The following SV2C variants were observed in gnomAD, a reference collection of about 807,000 sequenced individuals.
The protein encoded by SV2C is solute carrier family 22 member B3.
A neutral mutation model predicts 79.7 loss-of-function variants in SV2C; 49 were observed. That is an observed-to-expected ratio of 0.61 (90% CI 0.49 to 0.78). The LOEUF (loss-of-function observed/expected upper bound fraction) is 0.78, where lower values mean the gene tolerates loss of function less well. Ranked by LOEUF, SV2C falls within the 30% of genes least tolerant of loss-of-function variation. The pLI is 0.00. For synonymous variants in SV2C, 334 were observed against 333.2 expected, an observed-to-expected ratio of 1.00 and a Z score of -0.03; for missense variants, 833 against 912.9, an observed-to-expected ratio of 0.91 and a Z score of 1.13.
intron 2 of SV2C, among the ~76,000 whole-genome samples, chr5:76,154,679 G>A (rs1742666616): frequency 6.6e-6 from 1 of 152,116 alleles, no homozygotes; most frequent in African/African-American, 2.4e-5. Context: ...CTGATCCACA[G>A]AAAAACTGAA....
At chr5:76,121,194 T>C (rs1461028946) in intron 1 of SV2C, among the ~76,000 whole-genome samples, 6 of 152,118 alleles carry the variant, frequency 3.9e-5, no homozygotes, top group Non-Finnish European at 7.3e-5. Context: ...TCATATCCTT[T>C]GCCCACTTTT....
At chr5:76,168,923 C>T (rs1743129861) in intron 2 of SV2C, among the ~76,000 whole-genome samples, 1 of 152,162 alleles carries the variant, frequency 6.6e-6, no homozygotes, top group Admixed American at 6.5e-5. Flanking sequence ...GACATTTATC[C>T]TGGGGATCTC....
At chr5:76,115,741 G>T (rs1004423482) in intron 1 of SV2C, among the ~76,000 whole-genome samples, 1 of 152,126 alleles carries the variant, frequency 6.6e-6, no homozygotes, top group Non-Finnish European at 1.5e-5. Flanking sequence ...CTCCACTAGG[G>T]TACATTCTTC....
chr5:75,897,421 A>C, the SV2C span, among the ~76,000 whole-genome samples: 1 of 151,274 alleles, frequency 6.6e-6, no homozygotes, highest in East Asian at 1.9e-4. Context: ...TGTTCCATTG[A>C]TCTATATCTC....
At chr5:76,023,846 G>A in the SV2C span, among the ~76,000 whole-genome samples, 1 of 151,646 alleles carries the variant, frequency 6.6e-6, no homozygotes, top group African/African-American at 2.4e-5. Flanking sequence ...CTCAACCTCA[G>A]CATTATTGAT....
chr5:75,897,344 T>C, the SV2C span, among the ~76,000 whole-genome samples: 15 of 151,920 alleles, frequency 9.9e-5, no homozygotes, highest in Non-Finnish European at 1.5e-5. Flanking sequence ...TCATTGCTTG[T>C]TTTTGTCAGG....
At chr5:76,091,043 C>G (rs947853566) in intron 1 of SV2C, among the ~76,000 whole-genome samples, 1 of 152,124 alleles carries the variant, frequency 6.6e-6, no homozygotes, top group Non-Finnish European at 1.5e-5. Context: ...TTTTGTGCTT[C>G]ATATCTAAGA....
intron 1 of SV2C, among the ~76,000 whole-genome samples, chr5:76,115,533 T>C (rs1748237064): frequency 1.3e-5 from 2 of 152,214 alleles, no homozygotes; most frequent in African/African-American, 4.8e-5. Flanking sequence ...ACTGTCCTCC[T>C]TCCTCAAACC....
downstream of SV2C, chr5:76,333,973 G>A (rs1236900424): frequency 6.6e-6 from 1 of 151,934 alleles, no homozygotes; most frequent in Admixed American, 6.6e-5. Context: ...TGTGTGACTG[G>A]CTTCCCTTCT....
At chr5:75,902,220 C>T in the SV2C span, among the ~76,000 whole-genome samples, 3 of 152,178 alleles carry the variant, frequency 2.0e-5, no homozygotes, top group Non-Finnish European at 2.9e-5. Flanking sequence ...TGTTCCTATT[C>T]GGCCATCTTG....
At chr5:75,982,297 G>A in the SV2C span, among the ~76,000 whole-genome samples, 3 of 151,330 alleles carry the variant, frequency 2.0e-5, no homozygotes, top group African/African-American at 7.3e-5. Flanking sequence ...TTAAAAAGTG[G>A]GCAAAGGACG....
the SV2C span, among the ~76,000 whole-genome samples, chr5:76,044,302 G>T: frequency 2.0e-4 from 31 of 152,130 alleles, no homozygotes; most frequent in Non-Finnish European, 2.9e-5. Flanking sequence ...TCTTTAGTCA[G>T]TCTATTATTG....
chr5:75,986,415 G>T, the SV2C span, among the ~76,000 whole-genome samples: 1 of 151,774 alleles, frequency 6.6e-6, no homozygotes. Flanking sequence ...AGTACAGGTG[G>T]CTATTAGAGG....
At chr5:76,082,558 C>CCTTT (rs142801822), upstream of SV2C, among the ~76,000 whole-genome samples, 2 of 151,290 alleles carry the variant, frequency 1.3e-5, no homozygotes, top group Non-Finnish European at 2.9e-5. Context: ...CCCTCCTCCT[C>CCTTT]CTTTCTTTCT....
chr5:76,194,894 T>C, intron 2 of SV2C, 25 bp from the exon 3 acceptor site: 1 of 1,609,726 alleles, frequency 6.2e-7, no homozygotes, highest in Non-Finnish European at 8.5e-7. Context: ...CTCTGATGTG[T>C]TTCTTTGTTT....
intron 1 of SV2C, among the ~76,000 whole-genome samples, chr5:76,108,591 C>T (rs1748003026): frequency 6.6e-6 from 1 of 152,136 alleles, no homozygotes; most frequent in Non-Finnish European, 1.5e-5. Context: ...GAATACCTTT[C>T]TCTTATGCAA....
At chr5:75,901,699 T>TAC in the SV2C span, among the ~76,000 whole-genome samples, 9 of 152,260 alleles carry the variant, frequency 5.9e-5, no homozygotes, top group African/African-American at 1.9e-4. Context: ...AGGTGGAGCC[T>TAC]ACAGAGGCAG....
chr5:76,057,724 T>C, the SV2C span, among the ~76,000 whole-genome samples: 1 of 152,090 alleles, frequency 6.6e-6, no homozygotes, highest in Non-Finnish European at 1.5e-5. Flanking sequence ...ATAGATTACA[T>C]AGTATGCAAA....
intron 4 of SV2C, among the ~76,000 whole-genome samples, chr5:76,244,889 G>A (rs1464806713): frequency 6.6e-6 from 1 of 152,204 alleles, no homozygotes; most frequent in Admixed American, 6.5e-5. Flanking sequence ...GAATAGATGA[G>A]GTGTATAAAT....
Sources: gnomAD v4.1 joint callset for allele counts (sites outside exome capture counted in the v4.1 genomes callset) on GRCh38, gnomAD v4.1.1 for gene constraint, MANE v1.5 for transcripts, NCBI Gene and HGNC (gene_info 2026-07-23, HGNC 2026-07-21) for gene names.